CSMD1: variants seen among roughly 807,000 people sequenced by gnomAD.
CSMD1 encodes CUB and sushi domain-containing protein 1.
In CSMD1, 213 loss-of-function variants were observed where a neutral mutation model predicts 417.5. That is an observed-to-expected ratio of 0.51 (90% CI 0.46 to 0.57). The LOEUF is 0.57. Among genes scored for constraint, CSMD1 ranks in the 20% least tolerant of loss-of-function variants. CSMD1 has a pLI of 0.00. For synonymous variants in CSMD1, 2,862 were observed against 1,736.8 expected (o/e 1.65, Z -16.11); for missense variants, 6,923 against 4,529.7 (o/e 1.53, Z -15.17).
In CSMD1 at chr8:4,263,544, G is replaced by C. The variant is rs935046572; in HGVS notation, c.415+156409C>G. 7.2e-5 allele frequency among the ~76,000 whole-genome samples: 11 copies of C among 152,108 alleles called. 1 individual carries two copies. Among genetic ancestry groups the C allele is most frequent in the Admixed American group, 6.5e-4 (10 of 15,270 alleles). On this transcript the variant is annotated intron_variant, in intron 3 of 69. Coordinates refer to ENST00000635120, the MANE Select transcript of CSMD1 (RefSeq NM_033225.6). Reference sequence around the variant, plus strand: ...TCTGGCACTTGATATTAGCTACTTTGATGTCTTTCTTGGAAAGTCATAATC... The same window carrying C: ...TCTGGCACTTGATATTAGCTACTTTCATGTCTTTCTTGGAAAGTCATAATC...
intron 3 of CSMD1, among the ~76,000 whole-genome samples, chr8:4,232,380 G>A (rs1012690149): frequency 6.6e-6 from 1 of 152,066 alleles, no homozygotes; most frequent in Admixed American, 6.6e-5. Flanking sequence ...TGTATTCTTA[G>A]TAGAGACGGG....
At chr8:4,713,169 G>A (rs1445307318) in intron 1 of CSMD1, among the ~76,000 whole-genome samples, 1 of 152,102 alleles carries the variant, frequency 6.6e-6, no homozygotes, top group Non-Finnish European at 1.5e-5. Context: ...TCCCCGGGTG[G>A]GGAAACACAT....
At chr8:4,984,384 G>C (rs1392524601) in intron 1 of CSMD1, among the ~76,000 whole-genome samples, 2 of 152,226 alleles carry the variant, frequency 1.3e-5, no homozygotes, top group Non-Finnish European at 2.9e-5. Context: ...CATGACAGTA[G>C]TGTACGCTTC....
chr8:4,798,826 G>T (rs1046614176), intron 1 of CSMD1, among the ~76,000 whole-genome samples: 7 of 152,178 alleles, frequency 4.6e-5, no homozygotes, highest in Non-Finnish European at 8.8e-5. Flanking sequence ...CATTTTGGCT[G>T]CCTAAAGTTT....
intron 37 of CSMD1, among the ~76,000 whole-genome samples, chr8:3,163,784 C>A (rs184465881): frequency 3.9e-5 from 6 of 152,258 alleles, no homozygotes; most frequent in African/African-American, 1.4e-4. Context: ...CTGGGTCATC[C>A]CTGCATGGCT....
At chr8:3,010,364 G>A (rs1239254490) in intron 52 of CSMD1, among the ~76,000 whole-genome samples, 2 of 152,120 alleles carry the variant, frequency 1.3e-5, no homozygotes, top group African/African-American at 2.4e-5. Context: ...ACCATGCCTT[G>A]TGCATGTGCA....
intron 6 of CSMD1, among the ~76,000 whole-genome samples, chr8:3,736,413 TA>T (rs34615106): frequency 5.6e-4 from 83 of 148,178 alleles, no homozygotes; most frequent in South Asian, 1.5e-3. Context: ...ATGGCTAATG[TA>T]AAAAAAAAAA....
intron 7 of CSMD1, among the ~76,000 whole-genome samples, chr8:3,637,494 G>C (rs186371419): frequency 6.6e-6 from 1 of 152,034 alleles, no homozygotes; most frequent in South Asian, 2.1e-4. Flanking sequence ...GTTCTTCTTT[G>C]ACTATAATAA....
At chr8:4,157,397 T>C (rs1408223476) in intron 3 of CSMD1, among the ~76,000 whole-genome samples, 1 of 152,330 alleles carries the variant, frequency 6.6e-6, no homozygotes, top group East Asian at 1.9e-4. Context: ...AAAGGTTGAA[T>C]TGAAAATTTT....
chr8:3,196,517 T>A (rs9785182), intron 33 of CSMD1, among the ~76,000 whole-genome samples: 2 of 151,940 alleles, frequency 1.3e-5, no homozygotes, highest in African/African-American at 2.4e-5. Flanking sequence ...CACCCCTTTC[T>A]GGTAACAAAA....
chr8:3,649,936 A>G (rs1367280760), intron 7 of CSMD1, among the ~76,000 whole-genome samples: 1 of 136,448 alleles, frequency 7.3e-6, no homozygotes, highest in Non-Finnish European at 1.6e-5. Context: ...TTAAAATTAC[A>G]TATTCTTATT....
intron 3 of CSMD1, among the ~76,000 whole-genome samples, chr8:4,051,972 C>T (rs1345887279): frequency 6.6e-6 from 1 of 151,528 alleles, no homozygotes; most frequent in Non-Finnish European, 1.5e-5. Context: ...GTTGCCCAGG[C>T]TGGAGTGCAA....
At chr8:4,774,578 C>T (rs1327155181) in intron 1 of CSMD1, among the ~76,000 whole-genome samples, 3 of 152,024 alleles carry the variant, frequency 2.0e-5, no homozygotes, top group Non-Finnish European at 1.5e-5. Context: ...GAATTAATAC[C>T]AAAAGTAAGT....
rs181303757 is a variant in CSMD1 at position 4,161,328 on chromosome 8, G to C, written c.416-129229C>G. ...TAAGAAACAGTAAGTGACAGAATTA[G>C]GGCTAAAATCCCGGTCTCTTTGACT... On this transcript the variant is annotated intron_variant, in intron 3 of 69. Transcript: ENST00000635120. 4.9e-4 allele frequency among the ~76,000 whole-genome samples: 74 copies of C among 152,270 alleles called. 1 individual carries two copies. The East Asian group carries it at 0.013, about 27-fold the overall frequency.
At chr8:4,851,463 T>A (rs1801477345) in intron 1 of CSMD1, among the ~76,000 whole-genome samples, 1 of 152,090 alleles carries the variant, frequency 6.6e-6, no homozygotes, top group Admixed American at 6.6e-5. Flanking sequence ...AACCTCTATT[T>A]TTTTTCTTTT....
chr8:4,142,020 T>G (rs375972894), intron 3 of CSMD1, among the ~76,000 whole-genome samples: 1 of 150,528 alleles, frequency 6.6e-6, no homozygotes, highest in African/African-American at 2.5e-5. Flanking sequence ...GTTCCAAAAC[T>G]TCTATATTCA....
chr8:4,070,904 C>G (rs1451324361), intron 3 of CSMD1, among the ~76,000 whole-genome samples: 1 of 152,154 alleles, frequency 6.6e-6, no homozygotes, highest in Non-Finnish European at 1.5e-5. Context: ...TTGCTTTTAG[C>G]ACTTTAATGA....
At chr8:3,594,780 G>T (rs1180900552) in intron 8 of CSMD1, among the ~76,000 whole-genome samples, 3 of 152,182 alleles carry the variant, frequency 2.0e-5, no homozygotes, top group African/African-American at 4.8e-5. Context: ...AGAAGAGGCC[G>T]GTTGGGAAGG....
chr8:3,533,643 AG>A (rs1798071125), intron 10 of CSMD1, among the ~76,000 whole-genome samples: 1 of 152,136 alleles, frequency 6.6e-6, no homozygotes, highest in Non-Finnish European at 1.5e-5. Flanking sequence ...AATCTCCCAG[AG>A]GCTCTGGGAG....
Sources: allele counts gnomAD v4.1 joint callset (sites outside exome capture counted in the v4.1 genomes callset), GRCh38; gene constraint gnomAD v4.1.1; transcripts MANE v1.5; gene names NCBI Gene and HGNC (gene_info 2026-07-23, HGNC 2026-07-21).